DPH5: variants seen among roughly 807,000 people sequenced by gnomAD.
DPH5 encodes diphthine methyl ester synthase.
DPH5 carries 31 observed loss-of-function variants against 31.6 expected under a neutral mutation model. That is an observed-to-expected ratio of 0.98 (90% CI 0.74 to 1.32). DPH5 has a LOEUF of 1.32. DPH5 is among the 40% of genes most tolerant of loss of function. The pLI is 0.00. For missense variants in DPH5, 309 were observed against 335.7 expected (o/e 0.92, Z 0.62); for synonymous variants, 120 against 115.0 (o/e 1.04, Z -0.28).
intron 3 of DPH5, 92 bp downstream of exon 3, chr1:101,021,549 G>A: frequency 7.7e-7 from 1 of 1,295,186 alleles, no homozygotes; most frequent in East Asian, 2.4e-5. Context: ...ATCAGGACCT[G>A]GCAGGTAAAA....
intron 2 of DPH5, among the ~76,000 whole-genome samples, chr1:101,022,395 G>A (rs1307933274): frequency 1.3e-5 from 2 of 152,224 alleles, no homozygotes. Flanking sequence ...TAGGAAGTTT[G>A]CAAACAAACT....
chr1:101,011,449 T>C (rs1434458487), intron 4 of DPH5: 1 of 153,426 alleles, frequency 6.5e-6, no homozygotes, highest in South Asian at 2.0e-4. Flanking sequence ...AGAAATCCCA[T>C]ACACAATTGT....
At chr1:101,011,430 G>C (rs1440224159) in intron 4 of DPH5, among the ~76,000 whole-genome samples, 1 of 152,172 alleles carries the variant, frequency 6.6e-6, no homozygotes, top group Non-Finnish European at 1.5e-5. Flanking sequence ...ATGGTGTGTG[G>C]CTGTTTAGAG....
At chr1:101,013,349 T>G (rs1659834339) in intron 4 of DPH5, among the ~76,000 whole-genome samples, 1 of 152,206 alleles carries the variant, frequency 6.6e-6, no homozygotes, top group African/African-American at 2.4e-5. Flanking sequence ...TATTAAGAAA[T>G]GCAGCATCAC....
intron 3 of DPH5, among the ~76,000 whole-genome samples, chr1:101,020,857 A>C (rs1206446264): frequency 6.6e-6 from 1 of 152,074 alleles, no homozygotes; most frequent in East Asian, 1.9e-4. Flanking sequence ...TGCCTCCCTA[A>C]AATCCATTTA....
chr1:101,021,728 C>T lies in DPH5; in HGVS notation c.173G>A (p.Arg58Lys). ...ATCTGCTTCTTGTTCCACTTCTTCT[C>T]TATCAGCAACAACCAATTTTCTTCC... is the stretch of plus-strand genomic sequence containing the variant. ...FYGRKLVVAD[R>K]EEVEQEADNI... Residue 58 changes from arginine to lysine, a missense_variant, in exon 3 of 8, where the codon AGA (arginine) becomes AAA (lysine). Coordinates refer to ENST00000370109, the MANE Select transcript of DPH5 (RefSeq NM_015958.3). 6.2e-7 allele frequency: 1 copy of T among 1,613,646 alleles called. No individual in the cohort carries two copies. The highest frequency in any genetic ancestry group is 2.2e-5 in the East Asian group (1 of 44,856).
Position 100,990,225 on chromosome 1 carries a change from C to T in DPH5, c.*183G>A. On this transcript the variant is annotated 3_prime_UTR_variant, in exon 8 of 8. Transcript: ENST00000370109. ...AGGCACTTATAAAACCATCAGATCT[C>T]ATGAAAGCTCACTATCATGAGAATA... The T allele has an allele frequency of 1.6e-6, 1 of 606,902 alleles. No homozygotes were observed. Among genetic ancestry groups the T allele is most frequent in the Non-Finnish European group, 2.9e-6 (1 of 345,336 alleles). 37.6% of individuals were successfully genotyped at this position (606,902 alleles called of 1,614,324 possible).
Position 101,001,587 on chromosome 1 carries a change from ACT to A in DPH5, c.370-2_370-1del. 1.3e-6 allele frequency: 2 copies of A among 1,562,112 alleles called. No homozygotes were observed. Among genetic ancestry groups the A allele is most frequent in the Admixed American group, 1.8e-5 (1 of 56,118 alleles). On this transcript the variant is annotated splice_acceptor_variant, in intron 4 of 7. Transcript: ENST00000370109. LOFTEE classifies it high-confidence loss of function. Reference sequence around the variant, plus strand: ...GAAACTGTCTCTCCAAACTTATATAACTAGAAAAAAAAACATTAATTAATGAT... The same window carrying A: ...GAAACTGTCTCTCCAAACTTATATAAAGAAAAAAAAACATTAATTAATGAT...
chr1:101,021,817 A>AAC (rs67726104), intron 2 of DPH5, 52 bp from the exon 3 acceptor site: 71,840 of 730,450 alleles, frequency 0.098, 1,614 homozygotes, highest in East Asian at 0.18. Context: ...TGACCATTCT[A>AAC]ACACACACAC....
chr1:100,992,685 G>A lies in DPH5; in HGVS notation c.586C>T (p.Gln196Ter). 1 of 1,613,912 alleles carries A rather than the reference G, an allele frequency of 6.2e-7. No individual in the cohort carries two copies. The highest frequency in any genetic ancestry group is 8.5e-7 in the Non-Finnish European group (1 of 1,179,896). The change falls in exon 7 of 8, where the codon CAG becomes TAG. Residue 196 changes from glutamine to a stop codon, truncating the protein, a stop_gained. Transcript: ENST00000370109. LOFTEE classifies it high-confidence loss of function. ...RYMSVNQAAQQLLEIVQNQRI... is the reference protein window; with the variant it reads ...RYMSVNQAAQ Reference sequence around the variant, plus strand: ...TGATTTTGAACAATCTCCAGAAGCTGCTGGGCTGCTTGGTTTACACTCATA... The same window carrying A: ...TGATTTTGAACAATCTCCAGAAGCTACTGGGCTGCTTGGTTTACACTCATA...
At chr1:101,001,424 A>G in intron 5 of DPH5, 43 bp downstream of exon 5, 1 of 1,585,036 alleles carries the variant, frequency 6.3e-7, no homozygotes, top group Non-Finnish European at 8.6e-7. Flanking sequence ...GAACAGTATG[A>G]TAGTTCCATA....
rs10527775 is a variant in DPH5, at chr1:100,993,559, AATATATATAT to A, written c.531-829_531-820del. ...AGAGCAAGACTCTGTCGAAAATATA[AATATATATAT>A]ATATATATATATATATATATATATA... On this transcript the variant is annotated intron_variant, in intron 6 of 7. Transcript: ENST00000370109. Among the ~76,000 whole-genome samples the A allele has an allele frequency of 6.1e-3, 343 of 56,538 alleles. 9 individuals carry two copies. Among genetic ancestry groups the A allele is most frequent in the African/African-American group, 0.017 (273 of 16,010 alleles). The allele number at this position is 56,538 out of a possible 152,430, so 37.1% of individuals were successfully genotyped here.
Position 101,025,321 on chromosome 1 carries a change from C to A in DPH5, c.123G>T (p.Gly41=), listed in dbSNP as rs745316287. ...LEAYTSVLTV[G]KEALEEFYGR... ...GCTCAGCACCTACCAAGGCTTCCTT[C>A]CCTACAGTTAGGACTGAGGTGTAGG... The change falls in exon 2 of 8, where the codon GGG becomes GGT. Residue 41 remains glycine, a synonymous_variant. Coordinates refer to ENST00000370109, the MANE Select transcript of DPH5 (RefSeq NM_015958.3). 4 of 1,614,146 alleles carry A rather than the reference C, an allele frequency of 2.5e-6. No homozygotes were observed. The highest frequency in any genetic ancestry group is 1.7e-6 in the Non-Finnish European group (2 of 1,180,028).
intron 6 of DPH5, among the ~76,000 whole-genome samples, chr1:100,994,683 C>T (rs1382199102): frequency 1.3e-5 from 2 of 152,118 alleles, no homozygotes; most frequent in Non-Finnish European, 2.9e-5. Context: ...CGTGCCACCA[C>T]ACCCAGCTAA....
chr1:100,990,154 T>C lies in DPH5; in HGVS notation c.*254A>G. 2 of 467,886 alleles carry C rather than the reference T, an allele frequency of 4.3e-6. No homozygotes were observed. The highest frequency in any genetic ancestry group is 5.0e-5 in the South Asian group (2 of 39,966). The allele number at this position is 467,886 out of a possible 1,614,324, so 29.0% of individuals were successfully genotyped here. A position where few individuals can be genotyped will look rare whatever the true frequency, so the allele number is the denominator to read the frequency against. On this transcript the variant is annotated 3_prime_UTR_variant, in exon 8 of 8. Transcript: ENST00000370109. ...AACAATCACGGTGGAAGGCACCTCTTCACAGGGCGGCAAGAGTGAGAATGA... is the reference window on the plus strand; with the variant it reads ...AACAATCACGGTGGAAGGCACCTCTCCACAGGGCGGCAAGAGTGAGAATGA...
intron 3 of DPH5, among the ~76,000 whole-genome samples, chr1:101,016,295 A>C (rs190163311): frequency 2.6e-5 from 4 of 152,142 alleles, no homozygotes; most frequent in Admixed American, 1.3e-4. Context: ...CGGAGCTTGC[A>C]GTGAGCTGAG....
intron 5 of DPH5, among the ~76,000 whole-genome samples, chr1:100,999,968 C>A (rs1422997175): frequency 6.6e-6 from 1 of 151,898 alleles, no homozygotes; most frequent in East Asian, 1.9e-4. Context: ...CATGGTGAAA[C>A]CCCATCTCTA....
At chr1:100,992,859 T>G in intron 6 of DPH5, 119 bp from the exon 7 acceptor site, 1 of 602,056 alleles carries the variant, frequency 1.7e-6, no homozygotes, top group Non-Finnish European at 2.9e-6. Flanking sequence ...GTTTGATGTT[T>G]TTTTACATGT....
chr1:101,003,880 GTAT>G (rs1281820086), intron 4 of DPH5, among the ~76,000 whole-genome samples: 1 of 151,942 alleles, frequency 6.6e-6, no homozygotes, highest in Non-Finnish European at 1.5e-5. Context: ...TGAAATATTA[GTAT>G]TATTCCATAA....
Sources: allele counts gnomAD v4.1 joint callset (sites outside exome capture counted in the v4.1 genomes callset), GRCh38; gene constraint gnomAD v4.1.1; transcripts MANE v1.5; gene names NCBI Gene and HGNC (gene_info 2026-07-23, HGNC 2026-07-21).